The following IQCH variants were observed in gnomAD, a reference collection of about 807,000 sequenced individuals.
The protein encoded by IQCH is IQ motif containing H.
Under a neutral mutation model 117.0 loss-of-function variants are expected in IQCH, and 98 were observed. The observed-to-expected ratio is 0.84, with a 90% confidence interval of 0.71 to 0.99. The LOEUF is 0.99. IQCH is among the 50% of genes least tolerant of loss of function. The probability of loss-of-function intolerance (pLI) is 0.00; values close to 1 mark genes in which losing one functional copy is unlikely to be tolerated. For missense variants in IQCH, 1,102 were observed against 1,243.8 expected, an observed-to-expected ratio of 0.89 and a Z score of 1.72; for synonymous variants, 412 against 448.2, an observed-to-expected ratio of 0.92 and a Z score of 1.02.
At position 67,491,757 on chromosome 15, in the gene IQCH, C is replaced by A. The variant is rs1596492704; in HGVS notation, c.2861+1693C>A. On this transcript the variant is annotated intron_variant, in intron 19 of 20. Transcript: ENST00000335894. This position sits in a 1 kb window ranked among gnomAD's most constrained non-coding sequence, Gnocchi z 4.9. Reference sequence around the variant, plus strand: ...GGGCATGTGCAGGGAAGGATCAGCCCCTTGCTTCCCAGTAACATTCTGCCC... The same window carrying A: ...GGGCATGTGCAGGGAAGGATCAGCCACTTGCTTCCCAGTAACATTCTGCCC... Among the ~76,000 whole-genome samples the A allele has an allele frequency of 6.6e-6, 1 of 152,076 alleles. No individual in the cohort carries two copies. Among genetic ancestry groups the A allele is most frequent in the African/African-American group, 2.4e-5 (1 of 41,392 alleles).
chr15:67,480,070 C>T (rs1008486934), intron 18 of IQCH, among the ~76,000 whole-genome samples: 1 of 152,160 alleles, frequency 6.6e-6, no homozygotes, highest in African/African-American at 2.4e-5. Flanking sequence ...ATGTTTACTG[C>T]CTGCACCAGT....
At position 67,406,178 on chromosome 15, in the gene IQCH, G is replaced by A. The variant is rs1971895319; in HGVS notation, c.2097+5873G>A. On this transcript the variant is annotated intron_variant, in intron 14 of 20. Coordinates refer to ENST00000335894, the MANE Select transcript of IQCH (RefSeq NM_001031715.3). The surrounding 1 kb of genome is among the most constrained non-coding windows in gnomAD (Gnocchi z 4.5). Reference sequence around the variant, plus strand: ...CCTGTAAATTCCCAAAAAGCTTTGAGTAGCCCACCTTCACAATCAGATGTA... The same window carrying A: ...CCTGTAAATTCCCAAAAAGCTTTGAATAGCCCACCTTCACAATCAGATGTA... The A allele has an allele frequency of 1.3e-5, 2 of 152,162 alleles. No homozygotes were observed. Among genetic ancestry groups the A allele is most frequent in the South Asian group, 2.1e-4 (1 of 4,826 alleles). The allele number at this position is 152,162 out of a possible 1,614,324, so 9.4% of individuals were successfully genotyped here. A position where few individuals can be genotyped will look rare whatever the true frequency, so the allele number is the denominator to read the frequency against.
intron 4 of IQCH, among the ~76,000 whole-genome samples, chr15:67,292,320 G>A (rs1207101057): frequency 1.3e-5 from 2 of 152,096 alleles, no homozygotes; most frequent in South Asian, 2.1e-4. Flanking sequence ...TACAATCATG[G>A]CTCATCATGC....
rs754409553 is a variant in IQCH at position 67,417,393 on chromosome 15, G to A, written c.2218+342G>A. The stretch of plus-strand genomic sequence containing the variant: ...AAGGTTCTTAAACCCACCAAGGCTC[G>A]TTTCCTCACTTACCTACCTTACAGG... On this transcript the variant is annotated intron_variant, in intron 15 of 20. Transcript: ENST00000335894. The surrounding 1 kb of genome is among the most constrained non-coding windows in gnomAD (Gnocchi z 4.3). 1.1e-4 allele frequency among the ~76,000 whole-genome samples: 17 copies of A among 152,088 alleles called. No individual in the cohort carries two copies. The highest frequency in any genetic ancestry group is 1.6e-4 in the Non-Finnish European group (11 of 68,016).
At chr15:67,392,516 C>G (rs1971319473) in intron 12 of IQCH, among the ~76,000 whole-genome samples, 1 of 152,116 alleles carries the variant, frequency 6.6e-6, no homozygotes, top group South Asian at 2.1e-4. Flanking sequence ...GTGGCTCACA[C>G]CTGTAATCTC....
intron 15 of IQCH, among the ~76,000 whole-genome samples, chr15:67,420,499 T>G (rs947003185): frequency 1.1e-4 from 17 of 152,206 alleles, no homozygotes; most frequent in African/African-American, 3.1e-4. Context: ...AAAGTTTTTC[T>G]CTACAAAGAG....
At chr15:67,260,083 T>C (rs989912978) in intron 1 of IQCH, among the ~76,000 whole-genome samples, 1 of 152,250 alleles carries the variant, frequency 6.6e-6, no homozygotes, top group Non-Finnish European at 1.5e-5. Context: ...AGAGAAAAAG[T>C]AACTTCTTCA....
chr15:67,306,213 T>C (rs1031001382), intron 4 of IQCH, among the ~76,000 whole-genome samples: 21 of 152,214 alleles, frequency 1.4e-4, no homozygotes, highest in Middle Eastern at 3.4e-3. Flanking sequence ...AAAAGTACTG[T>C]GAGAGAAGTG....
In IQCH at chr15:67,459,621, A is replaced by AG. The variant is rs2141010243; in HGVS notation, c.2506-5505dup. On this transcript the variant is annotated intron_variant, in intron 16 of 20. Coordinates refer to ENST00000335894, the MANE Select transcript of IQCH (RefSeq NM_001031715.3). This position sits in a 1 kb window ranked among gnomAD's most constrained non-coding sequence, Gnocchi z 4.2. Reference sequence around the variant, plus strand: ...ATTGTCATCTCAAAGCTTGCGGTCCAGATCCTTGGACCAGAACAATCTGGG... The same window carrying AG: ...ATTGTCATCTCAAAGCTTGCGGTCCAGGATCCTTGGACCAGAACAATCTGGG... 6.6e-6 allele frequency: 1 copy of AG among 152,380 alleles called. No homozygotes were observed. Among genetic ancestry groups the AG allele is most frequent in the Non-Finnish European group, 1.5e-5 (1 of 68,086 alleles). 9.4% of individuals were successfully genotyped at this position (152,380 alleles called of 1,614,324 possible).
intron 16 of IQCH, among the ~76,000 whole-genome samples, chr15:67,446,536 AAGCAG>A (rs1314334538): frequency 6.6e-6 from 1 of 152,186 alleles, no homozygotes; most frequent in Non-Finnish European, 1.5e-5. Context: ...TGTTTGTTAA[AAGCAG>A]CCTCTGGGGT....
In IQCH at chr15:67,348,919, A is replaced by G. The variant is rs183785958; in HGVS notation, c.637+4728A>G. Among the ~76,000 whole-genome samples, 387 of 152,380 alleles carry G rather than the reference A, an allele frequency of 2.5e-3. 4 individuals are homozygous for G. The highest frequency in any genetic ancestry group is 8.8e-3 in the African/African-American group (366 of 41,574). On this transcript the variant is annotated intron_variant, in intron 6 of 20. Transcript: ENST00000335894. ...GGCAAAAGGATAAACACAGAGATCA[A>G]TGGAACAGAATAAAGAGTACAGAAA...
In IQCH at chr15:67,342,043, G is replaced by A. The variant is rs1364305308; in HGVS notation, c.509-2020G>A. 1.3e-5 allele frequency among the ~76,000 whole-genome samples: 2 copies of A among 151,914 alleles called. No homozygotes were observed. Among genetic ancestry groups the A allele is most frequent in the African/African-American group, 4.8e-5 (2 of 41,324 alleles). On this transcript the variant is annotated intron_variant, in intron 5 of 20. Transcript: ENST00000335894. The surrounding 1 kb of genome is among the most constrained non-coding windows in gnomAD (Gnocchi z 4.7). ...CTCAGCACCTTGGGAGGCCAAGGCAGGAAGATTGCTTGAAACCGGGAGTTC... is the reference window on the plus strand; with the variant it reads ...CTCAGCACCTTGGGAGGCCAAGGCAAGAAGATTGCTTGAAACCGGGAGTTC...
In IQCH at chr15:67,363,350, C is replaced by G. The variant is rs1440540510; in HGVS notation, c.753+3465C>G. Reference sequence around the variant, plus strand: ...TCCCTAGTTCAAGCGATTCTCCTGCCTCAGCCTCCCAAGTAAGTGGGACTA... The same window carrying G: ...TCCCTAGTTCAAGCGATTCTCCTGCGTCAGCCTCCCAAGTAAGTGGGACTA... On this transcript the variant is annotated intron_variant, in intron 8 of 20. Coordinates refer to ENST00000335894, the MANE Select transcript of IQCH (RefSeq NM_001031715.3). Among the ~76,000 whole-genome samples, 5 of 151,542 alleles carry G rather than the reference C, an allele frequency of 3.3e-5. No homozygotes were observed. The East Asian group carries it at 5.8e-4, about 18-fold the overall frequency.
intron 18 of IQCH, among the ~76,000 whole-genome samples, chr15:67,487,398 G>C (rs977461333): frequency 6.7e-6 from 1 of 150,198 alleles, no homozygotes; most frequent in Non-Finnish European, 1.5e-5. Context: ...AGGCAAGTGA[G>C]GCACTCTTCC....
chr15:67,325,434 C>T (rs1353914716), intron 4 of IQCH, among the ~76,000 whole-genome samples: 1 of 151,876 alleles, frequency 6.6e-6, no homozygotes, highest in Non-Finnish European at 1.5e-5. Flanking sequence ...GGGGAAAAAG[C>T]TACCTTTGTC....
chr15:67,390,596 C>T lies in IQCH; in HGVS notation c.1632+1590C>T, dbSNP rs1169992637. On this transcript the variant is annotated intron_variant, in intron 12 of 20. Transcript: ENST00000335894. This position sits in a 1 kb window ranked among gnomAD's most constrained non-coding sequence, Gnocchi z 5.0. ...CTCTGCCTCCCAGGTTCAAGCGATT[C>T]TCCTGCCTCAGCCTCCTGAGTAGCT... is the stretch of plus-strand genomic sequence containing the variant. Among the ~76,000 whole-genome samples the T allele has an allele frequency of 6.6e-6, 1 of 152,110 alleles. No homozygotes were observed. Among genetic ancestry groups the T allele is most frequent in the Non-Finnish European group, 1.5e-5 (1 of 68,014 alleles).
chr15:67,341,367 G>A (rs1176674600), intron 5 of IQCH, among the ~76,000 whole-genome samples: 3 of 152,084 alleles, frequency 2.0e-5, no homozygotes, highest in Non-Finnish European at 4.4e-5. Context: ...CTAACAAACT[G>A]TATTCTCTAT....
intron 9 of IQCH, among the ~76,000 whole-genome samples, chr15:67,372,993 A>G (rs1970603786): frequency 6.6e-6 from 1 of 151,910 alleles, no homozygotes; most frequent in Non-Finnish European, 1.5e-5. Flanking sequence ...CTCCCTATAT[A>G]TACCTTCTGG....
At chr15:67,276,575 C>T (rs1212683911) in intron 3 of IQCH, among the ~76,000 whole-genome samples, 1 of 152,062 alleles carries the variant, frequency 6.6e-6, no homozygotes, top group African/African-American at 2.4e-5. Context: ...ATCTTTATTT[C>T]CTCTTCACTT....
Sources: allele counts gnomAD v4.1 joint callset (sites outside exome capture counted in the v4.1 genomes callset), GRCh38; gene constraint gnomAD v4.1.1; non-coding constraint Gnocchi (gnomAD v3.1); transcripts MANE v1.5; gene names NCBI Gene and HGNC (gene_info 2026-07-23, HGNC 2026-07-21).